NCAM2: variants seen among roughly 807,000 people sequenced by gnomAD.
NCAM2 encodes the protein neural cell adhesion molecule 2, also known as N-CAM-2.
NCAM2 carries 30 observed loss-of-function variants against 98.1 expected under a neutral mutation model. The ratio of observed to expected loss-of-function variants is 0.31; its 90% confidence interval spans 0.23 to 0.41. NCAM2 has a LOEUF of 0.41. Ranked by LOEUF, NCAM2 falls within the 10% of genes least tolerant of loss-of-function variation. NCAM2 has a pLI of 1.00. For synonymous variants in NCAM2, 368 were observed against 342.4 expected, an observed-to-expected ratio of 1.07 and a Z score of -0.83; for missense variants, 867 against 1,005.8, an observed-to-expected ratio of 0.86 and a Z score of 1.87.
At chr21:21,455,068 C>T (rs1981924475) in intron 12 of NCAM2, among the ~76,000 whole-genome samples, 1 of 151,740 alleles carries the variant, frequency 6.6e-6, no homozygotes, top group African/African-American at 2.4e-5. Context: ...TTACCAAATA[C>T]AAATGAATTT....
At chr21:21,536,682 G>A (rs1990001142) in intron 17 of NCAM2, among the ~76,000 whole-genome samples, 2 of 152,046 alleles carry the variant, frequency 1.3e-5, no homozygotes, top group Admixed American at 6.6e-5. Flanking sequence ...GAGCCACTGC[G>A]CCTGGCCTGG....
intron 4 of NCAM2, among the ~76,000 whole-genome samples, chr21:21,287,462 A>G (rs1317194970): frequency 6.6e-6 from 1 of 151,960 alleles, no homozygotes; most frequent in Non-Finnish European, 1.5e-5. Flanking sequence ...CTGTTTCAGC[A>G]TAACTCTGTA....
chr21:21,461,482 G>A lies in NCAM2; in HGVS notation c.1655-5124G>A, dbSNP rs547050902. ...ATAAATATGTTGTAAACATTTGGAT[G>A]TGCTGAACTGTGATCTTAAAATAAT... On this transcript the variant is annotated intron_variant, in intron 12 of 17. Transcript: ENST00000400546. Among the ~76,000 whole-genome samples, 8 of 151,896 alleles carry A rather than the reference G, an allele frequency of 5.3e-5. No homozygotes were observed. The South Asian group carries it at 1.4e-3, about 28-fold the overall frequency.
At chr21:21,425,281 T>A (rs1256270223) in intron 11 of NCAM2, among the ~76,000 whole-genome samples, 1 of 152,020 alleles carries the variant, frequency 6.6e-6, no homozygotes, top group Admixed American at 6.6e-5. Context: ...GTGACACAAC[T>A]GCCAATTTCC....
intron 1 of NCAM2, among the ~76,000 whole-genome samples, chr21:21,256,877 C>T (rs1242860976): frequency 1.3e-5 from 2 of 152,068 alleles, no homozygotes; most frequent in African/African-American, 2.4e-5. Flanking sequence ...ATGTAATGAC[C>T]TCAAATGGAG....
intron 1 of NCAM2, among the ~76,000 whole-genome samples, chr21:21,079,021 A>G (rs920800908): frequency 6.6e-6 from 1 of 152,056 alleles, no homozygotes; most frequent in Non-Finnish European, 1.5e-5. Flanking sequence ...AAGAACACAC[A>G]CCAGGGCCTG....
chr21:21,438,034 A>C (rs1362399273), intron 12 of NCAM2, among the ~76,000 whole-genome samples: 1 of 152,180 alleles, frequency 6.6e-6, no homozygotes, highest in Non-Finnish European at 1.5e-5. Context: ...AATTATACTC[A>C]TTCTCTGAAG....
At chr21:21,238,800 G>A (rs921628325) in intron 1 of NCAM2, among the ~76,000 whole-genome samples, 10 of 152,094 alleles carry the variant, frequency 6.6e-5, no homozygotes, top group African/African-American at 2.4e-4. Flanking sequence ...TCAACTAGAA[G>A]TTCAAAGAGT....
chr21:21,131,283 G>A (rs540529351), intron 1 of NCAM2, among the ~76,000 whole-genome samples: 2 of 149,250 alleles, frequency 1.3e-5, no homozygotes, highest in South Asian at 2.1e-4. Flanking sequence ...TTTTTCTGGG[G>A]GGGGGCTTTA....
chr21:21,195,506 TGACA>T (rs1377974294), intron 1 of NCAM2, among the ~76,000 whole-genome samples: 16 of 152,318 alleles, frequency 1.1e-4, no homozygotes, highest in African/African-American at 2.9e-4. Flanking sequence ...GCTTCTATTA[TGACA>T]TGAGATTCTG....
chr21:21,000,053 T>C (rs1488261914), intron 1 of NCAM2, among the ~76,000 whole-genome samples: 1 of 152,242 alleles, frequency 6.6e-6, no homozygotes, highest in East Asian at 1.9e-4. Flanking sequence ...ATTTCAGTCT[T>C]AGCAAAATTG....
chr21:21,491,621 C>A (rs1986854743), intron 15 of NCAM2, among the ~76,000 whole-genome samples: 2 of 151,480 alleles, frequency 1.3e-5, no homozygotes, highest in African/African-American at 2.4e-5. Flanking sequence ...TCTTTTAGAG[C>A]AAAATGTTAC....
intron 1 of NCAM2, among the ~76,000 whole-genome samples, chr21:21,123,867 A>G (rs1223562186): frequency 8.8e-4 from 1 of 1,142 alleles, no homozygotes; most frequent in Admixed American, 6.2e-3. Flanking sequence ...TTTTTTTTTG[A>G]GACGGAGTCT....
chr21:21,295,184 C>T (rs571142699), intron 5 of NCAM2, among the ~76,000 whole-genome samples: 4 of 151,878 alleles, frequency 2.6e-5, no homozygotes, highest in Admixed American at 6.6e-5. Flanking sequence ...GAGGACCTGC[C>T]CTTTATTCTA....
At chr21:21,286,587 C>T (rs950710454) in intron 4 of NCAM2, among the ~76,000 whole-genome samples, 175 bp downstream of exon 4, 2 of 151,806 alleles carry the variant, frequency 1.3e-5, no homozygotes, top group Admixed American at 1.3e-4. Flanking sequence ...GATCTCAGGG[C>T]AAATTCACTG....
At chr21:21,109,120 G>A (rs982901107) in intron 1 of NCAM2, among the ~76,000 whole-genome samples, 1 of 152,122 alleles carries the variant, frequency 6.6e-6, no homozygotes, top group Non-Finnish European at 1.5e-5. Flanking sequence ...AATTTGTGCA[G>A]TGGTTGGAAT....
At chr21:21,520,147 A>C (rs1435156835) in intron 16 of NCAM2, among the ~76,000 whole-genome samples, 1 of 152,136 alleles carries the variant, frequency 6.6e-6, no homozygotes, top group Non-Finnish European at 1.5e-5. Context: ...AAGCATTAAT[A>C]TTAAAAATAT....
chr21:21,467,126 G>A (rs762444), intron 13 of NCAM2, among the ~76,000 whole-genome samples: 1,711 of 151,714 alleles, frequency 0.011, 44 homozygotes, highest in African/African-American at 0.038. Context: ...AAATTATATG[G>A]GCTCTAAGTG....
chr21:21,539,925 T>C lies in NCAM2; in HGVS notation c.*1968T>C, dbSNP rs1059068. The C allele has an allele frequency of 6.6e-6, 1 of 152,186 alleles. No homozygotes were observed. The highest frequency in any genetic ancestry group is 1.5e-5 in the Non-Finnish European group (1 of 68,034). 9.4% of individuals were successfully genotyped at this position (152,186 alleles called of 1,614,324 possible). ...CTGTGTTTTATTTTGTTGTTTGTTTTGTTTTGTACCAGTGTACTAAAACTA... is the reference window on the plus strand; with the variant it reads ...CTGTGTTTTATTTTGTTGTTTGTTTCGTTTTGTACCAGTGTACTAAAACTA... On this transcript the variant is annotated 3_prime_UTR_variant, in exon 18 of 18. Coordinates refer to ENST00000400546, the MANE Select transcript of NCAM2 (RefSeq NM_004540.5).
Sources: allele counts gnomAD v4.1 joint callset (sites outside exome capture counted in the v4.1 genomes callset), GRCh38; gene constraint gnomAD v4.1.1; transcripts MANE v1.5; gene names NCBI Gene and HGNC (gene_info 2026-07-23, HGNC 2026-07-21).